The following STARD13 variants were observed in gnomAD, a reference collection of about 807,000 sequenced individuals.
The protein encoded by STARD13 is StAR related lipid transfer domain containing 13.
A neutral mutation model predicts 106.4 loss-of-function variants in STARD13; 62 were observed. The observed-to-expected ratio is 0.58, with a 90% CI of 0.48 to 0.72. The LOEUF (loss-of-function observed/expected upper bound fraction) is 0.72, where lower values mean the gene tolerates loss of function less well. STARD13 is among the 30% of genes least tolerant of loss of function. STARD13 has a pLI of 0.00. For missense variants in STARD13, 1,387 were observed against 1,424.0 expected, an observed-to-expected ratio of 0.97 and a Z score of 0.42; for synonymous variants, 565 against 553.0, an observed-to-expected ratio of 1.02 and a Z score of -0.31.
At chr13:33,510,315 G>A in the STARD13 span, among the ~76,000 whole-genome samples, 6 of 152,226 alleles carry the variant, frequency 3.9e-5, no homozygotes, top group Admixed American at 2.6e-4. Context: ...TTCTGGTAGA[G>A]GTATATTTGC....
the STARD13 span, among the ~76,000 whole-genome samples, chr13:33,499,597 CTTCTTCT>C: frequency 3.4e-3 from 203 of 59,206 alleles, 1 homozygote; most frequent in Middle Eastern, 0.018. Context: ...TCTTCTTCTT[CTTCTTCT>C]TTCTTCTTCT....
At chr13:33,441,283 C>T in the STARD13 span, among the ~76,000 whole-genome samples, 18 of 152,226 alleles carry the variant, frequency 1.2e-4, no homozygotes, top group Non-Finnish European at 2.6e-4. Context: ...CTTCTTAGTC[C>T]GATTCTAGTC....
chr13:33,606,956 T>A, the STARD13 span, among the ~76,000 whole-genome samples: 1 of 152,230 alleles, frequency 6.6e-6, no homozygotes, highest in Non-Finnish European at 1.5e-5. Context: ...TGGGTGCACC[T>A]GGATAATCCG....
intron 3 of STARD13, among the ~76,000 whole-genome samples, chr13:33,159,198 A>G (rs1698544063): frequency 1.3e-5 from 2 of 152,086 alleles, no homozygotes; most frequent in South Asian, 2.1e-4. Context: ...GCTACGGGCT[A>G]TATCATGACA....
At chr13:33,561,956 T>A in the STARD13 span, among the ~76,000 whole-genome samples, 97 of 147,258 alleles carry the variant, frequency 6.6e-4, 11 homozygotes, top group African/African-American at 4.3e-4. Context: ...GTTATTTTTT[T>A]AAAAATTTAG....
chr13:33,442,774 T>A, the STARD13 span, among the ~76,000 whole-genome samples: 1 of 152,204 alleles, frequency 6.6e-6, no homozygotes. Flanking sequence ...GGGGCCCTCA[T>A]TTCCCAGGAA....
At chr13:33,318,335 G>A (rs1459246867) in intron 1 of STARD13, among the ~76,000 whole-genome samples, 1 of 152,102 alleles carries the variant, frequency 6.6e-6, no homozygotes, top group Non-Finnish European at 1.5e-5. Flanking sequence ...AGTGAAGAAA[G>A]AACAGTCTTT....
chr13:33,544,426 G>C, the STARD13 span, among the ~76,000 whole-genome samples: 1 of 152,220 alleles, frequency 6.6e-6, no homozygotes, highest in African/African-American at 2.4e-5. Flanking sequence ...AGTGATTAAA[G>C]TGTGCTGCAC....
intron 3 of STARD13, among the ~76,000 whole-genome samples, chr13:33,158,960 G>A (rs1029141221): frequency 2.6e-5 from 4 of 152,004 alleles, no homozygotes; most frequent in Admixed American, 1.3e-4. Context: ...CAGCTCCTAC[G>A]CCCTGAGAAT....
chr13:33,524,584 A>G, the STARD13 span, among the ~76,000 whole-genome samples: 1 of 152,056 alleles, frequency 6.6e-6, no homozygotes, highest in African/African-American at 2.4e-5. Flanking sequence ...GTAAAGCCTA[A>G]GGACTTGATA....
chr13:33,186,745 A>G lies in STARD13; in HGVS notation c.170-19123T>C, dbSNP rs568579964. On this transcript the variant is annotated intron_variant, in intron 1 of 13. Coordinates refer to ENST00000336934, the MANE Select transcript of STARD13 (RefSeq NM_178006.4). Reference sequence around the variant, plus strand: ...AATCAGCAAATTGAGAGTATTTGAGATTAACAATCTCAAAATAGCAAAACA... The same window carrying G: ...AATCAGCAAATTGAGAGTATTTGAGGTTAACAATCTCAAAATAGCAAAACA... Among the ~76,000 whole-genome samples, 15 of 152,290 alleles carry G rather than the reference A, an allele frequency of 9.8e-5. No homozygotes were observed. The South Asian group carries it at 3.1e-3, about 32-fold the overall frequency.
chr13:33,237,004 G>T (rs1196701762), intron 1 of STARD13, among the ~76,000 whole-genome samples: 3 of 151,530 alleles, frequency 2.0e-5, no homozygotes, highest in African/African-American at 7.3e-5. Context: ...ATTACTTTTG[G>T]TTTTCACTGC....
intron 3 of STARD13, among the ~76,000 whole-genome samples, chr13:33,156,525 A>G (rs2138310172): frequency 6.6e-6 from 1 of 152,302 alleles, no homozygotes; most frequent in East Asian, 1.9e-4. Context: ...TTTTAAAAAA[A>G]CTAAAAGTTC....
At chr13:33,239,024 C>T (rs1280030626) in intron 1 of STARD13, among the ~76,000 whole-genome samples, 6 of 151,884 alleles carry the variant, frequency 4.0e-5, no homozygotes, top group Admixed American at 3.9e-4. Flanking sequence ...GCAACAACCT[C>T]CCCATTTCCC....
the STARD13 span, among the ~76,000 whole-genome samples, chr13:33,585,673 G>T: frequency 6.6e-6 from 1 of 152,150 alleles, no homozygotes; most frequent in Non-Finnish European, 1.5e-5. Flanking sequence ...TGGCCTGGGT[G>T]ACAAAGCCAG....
rs184724393 is a variant in STARD13, at chr13:33,130,663, G to T, written c.388-374C>A. On this transcript the variant is annotated intron_variant, in intron 4 of 13. Transcript: ENST00000336934. The surrounding 1 kb of genome is among the most constrained non-coding windows in gnomAD (Gnocchi z 4.1). ...ACCTGCAGTCTTCTTTTTCACAAAG[G>T]AACTCAACTCTGCCATAAAAGGCAC... Among the ~76,000 whole-genome samples, 1 of 152,230 alleles carries T rather than the reference G, an allele frequency of 6.6e-6. No individual in the cohort carries two copies. The highest frequency in any genetic ancestry group is 2.4e-5 in the African/African-American group (1 of 41,562).
chr13:33,283,575 G>T (rs903330419), intron 1 of STARD13, among the ~76,000 whole-genome samples: 3 of 152,162 alleles, frequency 2.0e-5, no homozygotes, highest in Non-Finnish European at 2.9e-5. Context: ...CTAAAGAGTT[G>T]TATGATGTTA....
intron 1 of STARD13, among the ~76,000 whole-genome samples, chr13:33,198,655 A>T (rs2764628): frequency 0.25 from 37,722 of 151,908 alleles, 5,105 homozygotes; most frequent in African/African-American, 0.36. Context: ...TCTTCTCCAC[A>T]AGAGCATGAG....
the STARD13 span, among the ~76,000 whole-genome samples, chr13:33,356,800 TA>T: frequency 7.9e-5 from 12 of 152,218 alleles, no homozygotes; most frequent in Non-Finnish European, 1.8e-4. Context: ...AGCCTCATGC[TA>T]AACAGCAAGA....
Sources: gnomAD v4.1 joint callset for allele counts (sites outside exome capture counted in the v4.1 genomes callset) on GRCh38, gnomAD v4.1.1 for gene constraint, Gnocchi (gnomAD v3.1) non-coding constraint, MANE v1.5 for transcripts, NCBI Gene and HGNC (gene_info 2026-07-23, HGNC 2026-07-21) for gene names.